The following TMCO6 variants were observed in gnomAD, a reference collection of about 807,000 sequenced individuals.
The protein encoded by TMCO6 is transmembrane and coiled-coil domain-containing protein 6.
Under a neutral mutation model 61.8 loss-of-function variants are expected in TMCO6, and 47 were observed. The ratio of observed to expected loss-of-function variants is 0.76; its 90% confidence interval spans 0.60 to 0.97. TMCO6 has a LOEUF of 0.97. Ranked by LOEUF, TMCO6 falls within the 50% of genes least tolerant of loss-of-function variation. The probability of loss-of-function intolerance (pLI) is 0.00; values close to 1 mark genes in which losing one functional copy is unlikely to be tolerated. For missense variants in TMCO6, 557 were observed against 601.6 expected (o/e 0.93, Z 0.78); for synonymous variants, 261 against 254.2 (o/e 1.03, Z -0.25).
the TMCO6 span, among the ~76,000 whole-genome samples, chr5:140,615,910 A>T: frequency 2.6e-5 from 4 of 152,280 alleles, no homozygotes; most frequent in Admixed American, 1.3e-4. Context: ...AGGCAGATGG[A>T]TCACGAGGTC....
At chr5:140,614,982 A>G in the TMCO6 span, among the ~76,000 whole-genome samples, 2 of 152,222 alleles carry the variant, frequency 1.3e-5, no homozygotes, top group Non-Finnish European at 2.9e-5. Context: ...AATAGAAGGC[A>G]TCCAAATTGG....
chr5:140,638,473 G>T (rs183278501), upstream of TMCO6, among the ~76,000 whole-genome samples: 54 of 152,104 alleles, frequency 3.6e-4, no homozygotes, highest in Non-Finnish European at 5.1e-4. Context: ...AGTGTGTGTG[G>T]GGGGGAGTAC....
chr5:140,605,816 T>TG, the TMCO6 span, among the ~76,000 whole-genome samples: 1 of 152,198 alleles, frequency 6.6e-6, no homozygotes, highest in Non-Finnish European at 1.5e-5. Flanking sequence ...TTTTAATATT[T>TG]GGTAGAATTC....
At chr5:140,640,089 T>C (rs1234055418) in intron 2 of TMCO6, among the ~76,000 whole-genome samples, 1 of 152,158 alleles carries the variant, frequency 6.6e-6, no homozygotes, top group African/African-American at 2.4e-5. Flanking sequence ...TTTACATGCC[T>C]CACCATCGAA....
chr5:140,644,855 G>T (rs909640632), intron 11 of TMCO6, 115 bp downstream of exon 11: 2 of 1,515,076 alleles, frequency 1.3e-6, no homozygotes, highest in Non-Finnish European at 1.8e-6. Flanking sequence ...ACCTATATAG[G>T]TTCCATGTCA....
the TMCO6 span, among the ~76,000 whole-genome samples, chr5:140,613,891 T>TG: frequency 1.1e-4 from 16 of 150,666 alleles, no homozygotes; most frequent in African/African-American, 2.7e-4. Context: ...ATCGTTTTTT[T>TG]TTGTTGTTGT....
chr5:140,613,781 C>G, the TMCO6 span, among the ~76,000 whole-genome samples: 1 of 152,018 alleles, frequency 6.6e-6, no homozygotes, highest in Non-Finnish European at 1.5e-5. Context: ...GTTCATTGCT[C>G]ATTGTAACGT....
chr5:140,634,647 G>A (rs563716029), upstream of TMCO6, among the ~76,000 whole-genome samples: 12 of 151,908 alleles, frequency 7.9e-5, no homozygotes, highest in South Asian at 2.3e-3. Flanking sequence ...CACCATGCCC[G>A]GCTAATTTTT....
upstream of TMCO6, among the ~76,000 whole-genome samples, chr5:140,636,145 C>T (rs540212762): frequency 5.3e-5 from 8 of 152,226 alleles, no homozygotes; most frequent in East Asian, 1.2e-3. Context: ...ATTACAAGCA[C>T]GTGCCACCAC....
intron 2 of TMCO6, chr5:140,641,419 C>G (rs145704954): frequency 2.7e-4 from 135 of 498,576 alleles, no homozygotes; most frequent in South Asian, 1.8e-3. Context: ...TATTGTTATT[C>G]TCATTTTCAG....
the TMCO6 span, among the ~76,000 whole-genome samples, chr5:140,630,818 T>G: frequency 2.0e-5 from 3 of 152,224 alleles, no homozygotes; most frequent in African/African-American, 7.2e-5. Flanking sequence ...TGTGTGGCTC[T>G]GGACATTGGC....
the TMCO6 span, among the ~76,000 whole-genome samples, chr5:140,617,488 T>G: frequency 2.6e-5 from 4 of 152,046 alleles, no homozygotes; most frequent in East Asian, 7.7e-4. Flanking sequence ...AGGGCTGAGG[T>G]TGCATTTAGC....
chr5:140,647,142 A>G (rs1340662690), downstream of TMCO6: 2 of 1,142,068 alleles, frequency 1.8e-6, no homozygotes, highest in Admixed American at 5.7e-5. Flanking sequence ...CAGCAAGGCT[A>G]AAGTCCGAGT....
chr5:140,613,564 A>G, the TMCO6 span, among the ~76,000 whole-genome samples: 1 of 152,034 alleles, frequency 6.6e-6, no homozygotes, highest in East Asian at 1.9e-4. Flanking sequence ...TTTTTACACT[A>G]AAACTAATCC....
the TMCO6 span, among the ~76,000 whole-genome samples, chr5:140,617,025 G>A: frequency 5.3e-5 from 8 of 151,388 alleles, no homozygotes; most frequent in South Asian, 2.1e-4. Context: ...TCTAGGCTAC[G>A]AAGCCAAACC....
the TMCO6 span, among the ~76,000 whole-genome samples, chr5:140,627,066 CA>C: frequency 0.015 from 2,266 of 149,228 alleles, 53 homozygotes; most frequent in African/African-American, 0.052. Context: ...CTAAACTAGG[CA>C]AAAAAAAAAT....
At chr5:140,638,147 C>CA (rs1252409593), upstream of TMCO6, among the ~76,000 whole-genome samples, 1 of 152,364 alleles carries the variant, frequency 6.6e-6, no homozygotes, top group East Asian at 1.9e-4. Context: ...CACACCTGAA[C>CA]AAAGGGGCAC....
Position 140,644,710 on chromosome 5 carries a change from G to A in TMCO6, c.1338G>A (p.Leu446=). 6.2e-7 allele frequency: 1 copy of A among 1,614,232 alleles called. No homozygotes were observed. The highest frequency in any genetic ancestry group is 2.2e-5 in the East Asian group (1 of 44,890). The change falls in exon 11 of 12, where the codon CTG becomes CTA. Residue 446 remains leucine (L), a synonymous_variant. Transcript: ENST00000394671. ...AAGTAGTAGGCCAGAGTTTGGAGCT[G>A]CTGCATCTGCTGTTCCTGTATCAGC... The part of the protein sequence containing the change: ...DTEVVGQSLE[L]LHLLFLYQPE...
chr5:140,622,331 C>A, the TMCO6 span, among the ~76,000 whole-genome samples: 1 of 152,164 alleles, frequency 6.6e-6, no homozygotes, highest in Non-Finnish European at 1.5e-5. Flanking sequence ...TTTGTGACTT[C>A]TTAATGTTGC....
Sources: gnomAD v4.1 joint callset for allele counts (sites outside exome capture counted in the v4.1 genomes callset) on GRCh38, gnomAD v4.1.1 for gene constraint, MANE v1.5 for transcripts, NCBI Gene and HGNC (gene_info 2026-07-23, HGNC 2026-07-21) for gene names.